Variants in NIBAN1 observed in about 807,000 individuals in gnomAD.
NIBAN1 encodes the protein niban apoptosis regulator 1.
Under a neutral mutation model 75.1 loss-of-function variants are expected in NIBAN1, and 81 were observed. The observed-to-expected ratio is 1.08, with a 90% CI of 0.90 to 1.30. The LOEUF (loss-of-function observed/expected upper bound fraction) is 1.30, where lower values mean the gene tolerates loss of function less well. NIBAN1 is among the 50% of genes most tolerant of loss of function. NIBAN1 has a pLI of 0.00. For synonymous variants in NIBAN1, 436 were observed against 424.8 expected (o/e 1.03, Z -0.32); for missense variants, 1,133 against 1,128.1 (o/e 1.00, Z -0.06).
chr1:184,792,350 T>C lies in NIBAN1; in HGVS notation c.*2627A>G, dbSNP rs143804759. 6.6e-6 allele frequency: 1 copy of C among 152,546 alleles called. No individual in the cohort carries two copies. Among genetic ancestry groups the C allele is most frequent in the Non-Finnish European group, 1.5e-5 (1 of 68,064 alleles). The allele number at this position is 152,546 out of a possible 1,614,324, so 9.4% of individuals were successfully genotyped here. A position where few individuals can be genotyped will look rare whatever the true frequency, so the allele number is the denominator to read the frequency against. The stretch of plus-strand genomic sequence containing the variant: ...CCCTGACCTACATGATGGATAAAGT[T>C]AGGGCACTGATGTTCATCCATCCAA... On this transcript the variant is annotated 3_prime_UTR_variant, in exon 14 of 14. Coordinates refer to ENST00000367511, the MANE Select transcript of NIBAN1 (RefSeq NM_052966.4).
intron 5 of NIBAN1, among the ~76,000 whole-genome samples, chr1:184,868,742 A>T (rs1024280656): frequency 7.3e-5 from 3 of 41,264 alleles, no homozygotes; most frequent in Admixed American, 2.1e-4. Context: ...ATTTTTTTTA[A>T]AAATATCAGC....
Position 184,794,766 on chromosome 1 carries a change from A to T in NIBAN1, c.*211T>A. On this transcript the variant is annotated 3_prime_UTR_variant, in exon 14 of 14. Transcript: ENST00000367511. ...CCATTGTCTTTGTAATTCTTATTAA[A>T]ATACTAAAGCAAAAATTCATCGTAG... 1 of 650,522 alleles carries T rather than the reference A, an allele frequency of 1.5e-6. No homozygotes were observed. Among genetic ancestry groups the T allele is most frequent in the Non-Finnish European group, 2.6e-6 (1 of 378,296 alleles). 40.3% of individuals were successfully genotyped at this position (650,522 alleles called of 1,614,324 possible).
intron 6 of NIBAN1, among the ~76,000 whole-genome samples, 197 bp downstream of exon 6, chr1:184,831,650 C>T (rs559586803): frequency 1.1e-3 from 172 of 152,328 alleles, no homozygotes; most frequent in African/African-American, 4.0e-3. Flanking sequence ...CTATTTCATG[C>T]CCAGTCTGGT....
intron 5 of NIBAN1, among the ~76,000 whole-genome samples, chr1:184,844,875 A>G (rs181052823): frequency 6.6e-6 from 1 of 152,352 alleles, no homozygotes; most frequent in East Asian, 1.9e-4. Context: ...GAAAGGTGAG[A>G]ACACTGGCTA....
At chr1:184,891,033 C>T (rs10911656) in intron 3 of NIBAN1, among the ~76,000 whole-genome samples, 2 of 152,182 alleles carry the variant, frequency 1.3e-5, no homozygotes, top group African/African-American at 4.8e-5. Flanking sequence ...GACCCAAAAT[C>T]TAGAATTTAC....
rs58483276 is a variant in NIBAN1 at position 184,827,560 on chromosome 1, G to GTTTTTTT, written c.718-3825_718-3819dup. The stretch of plus-strand genomic sequence containing the variant: ...ACATAAGTGACCTAAAAATACTTCA[G>GTTTTTTT]TTTTTTTTTTTTTTAATGGGGGGTG... On this transcript the variant is annotated intron_variant, in intron 6 of 13. Transcript: ENST00000367511. Among the ~76,000 whole-genome samples, 31 of 117,668 alleles carry GTTTTTTT rather than the reference G, an allele frequency of 2.6e-4. 3 individuals are homozygous for GTTTTTTT. The highest frequency in any genetic ancestry group is 3.8e-4 in the African/African-American group (10 of 26,086). 77.2% of individuals were successfully genotyped at this position (117,668 alleles called of 152,430 possible). A position where few individuals can be genotyped will look rare whatever the true frequency, so the allele number is the denominator to read the frequency against.
chr1:184,808,103 C>G lies in NIBAN1; in HGVS notation c.1306G>C (p.Val436Leu). 1 of 1,614,066 alleles carries G rather than the reference C, an allele frequency of 6.2e-7. No homozygotes were observed. Among genetic ancestry groups the G allele is most frequent in the East Asian group, 2.2e-5 (1 of 44,856 alleles). ...TGCATGTAGTTCTGTGTCCTCTGAA[C>G]CACCAGATCAATGTGGGGGAATCTG... The part of the protein sequence containing the change: ...RFRFPHIDLV[V>L]QRTQNYMQEL... Residue 436 changes from valine to leucine, a missense_variant, in exon 10 of 14, where the codon GTT becomes CTT. By Grantham distance (32) the Val-to-Leu change is conservative. Transcript: ENST00000367511.
rs759639260 is a variant in NIBAN1 at position 184,823,320 on chromosome 1, C to T, written c.832G>A (p.Glu278Lys). 1.2e-6 allele frequency: 2 copies of T among 1,613,992 alleles called. No homozygotes were observed. Among genetic ancestry groups the T allele is most frequent in the Admixed American group, 1.7e-5 (1 of 59,974 alleles). Residue 278 changes from glutamate (E) to lysine (K), a missense_variant, in exon 8 of 14, where the codon GAG becomes AAG. Glu to Lys is a moderately conservative substitution (Grantham distance 56). Coordinates refer to ENST00000367511, the MANE Select transcript of NIBAN1 (RefSeq NM_052966.4). ...RKRTWLGLLE[E>K]AYTLVQHQVS... ...TGATGCTGAACCAGGGTGTAGGCCTCCTCGAGGAGCTGCAACAAGGAATAA... is the reference window on the plus strand; with the variant it reads ...TGATGCTGAACCAGGGTGTAGGCCTTCTCGAGGAGCTGCAACAAGGAATAA...
intron 5 of NIBAN1, among the ~76,000 whole-genome samples, chr1:184,852,214 C>T (rs920109759): frequency 6.6e-6 from 1 of 152,214 alleles, no homozygotes; most frequent in Non-Finnish European, 1.5e-5. Flanking sequence ...ATCTCCACTG[C>T]CTCCTTCAAA....
intron 1 of NIBAN1, among the ~76,000 whole-genome samples, chr1:184,920,702 A>G (rs1318849432): frequency 6.6e-6 from 1 of 152,228 alleles, no homozygotes; most frequent in Non-Finnish European, 1.5e-5. Context: ...TAAAATTATA[A>G]AAGTCGAAGC....
chr1:184,818,902 GA>G, intron 8 of NIBAN1, 77 bp from the exon 9 acceptor site: 1 of 1,477,678 alleles, frequency 6.8e-7, no homozygotes, highest in Non-Finnish European at 9.1e-7. Flanking sequence ...GACCAGAGCT[GA>G]ATGGTGCCCC....
chr1:184,826,367 T>C (rs1654841560), intron 6 of NIBAN1, among the ~76,000 whole-genome samples: 1 of 152,214 alleles, frequency 6.6e-6, no homozygotes, highest in Admixed American at 6.5e-5. Flanking sequence ...CAAAACTCCA[T>C]GGAAATTAGC....
At chr1:184,909,158 T>C (rs529502887) in intron 1 of NIBAN1, among the ~76,000 whole-genome samples, 1 of 152,146 alleles carries the variant, frequency 6.6e-6, no homozygotes. Context: ...ATTGCAACCA[T>C]GCAAATGAAC....
intron 5 of NIBAN1, among the ~76,000 whole-genome samples, chr1:184,860,223 C>G (rs1571525236): frequency 1.7e-5 from 2 of 118,866 alleles, no homozygotes; most frequent in Admixed American, 1.2e-4. Flanking sequence ...TTAGGGTATG[C>G]AAAGCTGTAG....
intron 1 of NIBAN1, among the ~76,000 whole-genome samples, chr1:184,925,426 T>A (rs890794806): frequency 6.6e-5 from 10 of 152,300 alleles, no homozygotes; most frequent in African/African-American, 2.4e-4. Context: ...TATTGATAAG[T>A]AAGGGCTTAC....
At chr1:184,811,026 T>C (rs1188839430) in intron 9 of NIBAN1, among the ~76,000 whole-genome samples, 1 of 152,184 alleles carries the variant, frequency 6.6e-6, no homozygotes, top group African/African-American at 2.4e-5. Flanking sequence ...ATTTGTGTTT[T>C]GAGCTCTCTG....
At chr1:184,918,980 C>T (rs540260563) in intron 1 of NIBAN1, among the ~76,000 whole-genome samples, 14 of 152,300 alleles carry the variant, frequency 9.2e-5, no homozygotes, top group African/African-American at 2.9e-4. Flanking sequence ...GGAACATTTA[C>T]ACCAACATTT....
chr1:184,868,041 C>T lies in NIBAN1; in HGVS notation c.601+16592G>A, dbSNP rs1656003197. 3.0e-6 allele frequency: 3 copies of T among 985,240 alleles called. No homozygotes were observed. The African/African-American group carries it at 5.2e-5, about 17-fold the overall frequency. The allele number at this position is 985,240 out of a possible 1,614,324, so 61.0% of individuals were successfully genotyped here. On this transcript the variant is annotated intron_variant, in intron 5 of 13. Coordinates refer to ENST00000367511, the MANE Select transcript of NIBAN1 (RefSeq NM_052966.4). ...TAGCTGGTGATTGCATGAGCCATGC[C>T]CTGATCTCCCACCAGAAAGGAACTT... is the stretch of plus-strand genomic sequence containing the variant.
chr1:184,797,021 C>A (rs527489481), intron 13 of NIBAN1, among the ~76,000 whole-genome samples: 1 of 152,232 alleles, frequency 6.6e-6, no homozygotes, highest in African/African-American at 2.4e-5. Flanking sequence ...GCTACTAGGA[C>A]CTTGGGCTTG....
Sources: allele counts gnomAD v4.1 joint callset (sites outside exome capture counted in the v4.1 genomes callset), GRCh38; gene constraint gnomAD v4.1.1; transcripts MANE v1.5; gene names NCBI Gene and HGNC (gene_info 2026-07-23, HGNC 2026-07-21).